IPO7: variants seen among roughly 807,000 people sequenced by gnomAD.
IPO7 encodes the protein importin 7.
Under a neutral mutation model 136.4 loss-of-function variants are expected in IPO7, and 13 were observed. The ratio of observed to expected loss-of-function variants is 0.10; its 90% CI spans 0.06 to 0.15. The LOEUF is 0.15. Ranked by LOEUF, IPO7 falls within the 10% of genes least tolerant of loss-of-function variation. The pLI is 1.00. For synonymous variants in IPO7, 403 were observed against 404.4 expected, an observed-to-expected ratio of 1.00 and a Z score of 0.04; for missense variants, 857 against 1,240.6, an observed-to-expected ratio of 0.69 and a Z score of 4.65.
chr11:9,428,997 G>A lies in IPO7; in HGVS notation c.1426-34G>A, dbSNP rs1411407950. 3.8e-6 allele frequency: 6 copies of A among 1,581,084 alleles called. No homozygotes were observed. In the Admixed American group the frequency reaches 1.0e-4, roughly 26 times the overall value. ...TTAGCTTGGGGGAATTTAAGGTAAG[G>A]TATCTACAGTAACTCACTGTGTTTT... is the stretch of plus-strand genomic sequence containing the variant. On this transcript the variant is annotated intron_variant, in intron 13 of 24. Transcript: ENST00000379719.
intron 6 of IPO7, among the ~76,000 whole-genome samples, chr11:9,417,359 T>TA (rs1022995657): frequency 6.6e-6 from 1 of 152,202 alleles, no homozygotes; most frequent in Non-Finnish European, 1.5e-5. Context: ...GGTGTTTTTT[T>TA]AAATATATTA....
chr11:9,410,242 A>G (rs762193723), intron 4 of IPO7, among the ~76,000 whole-genome samples, 156 bp downstream of exon 4: 10 of 152,186 alleles, frequency 6.6e-5, no homozygotes, highest in Non-Finnish European at 1.2e-4. Context: ...TTGACATAGC[A>G]TTCTAACTCC....
intron 5 of IPO7, among the ~76,000 whole-genome samples, chr11:9,415,634 C>T (rs1464315614): frequency 6.6e-6 from 1 of 151,922 alleles, no homozygotes; most frequent in African/African-American, 2.4e-5. Context: ...GTCAGGAGGT[C>T]GAGACCATCC....
In IPO7 at chr11:9,398,694, T is replaced by C. The variant is rs568899858; in HGVS notation, c.85-4596T>C. Among the ~76,000 whole-genome samples the C allele has an allele frequency of 2.6e-5, 4 of 152,346 alleles. No individual in the cohort carries two copies. The East Asian group carries it at 5.8e-4, about 22-fold the overall frequency. ...AACGTAATGATCAAATCAGGGTAAT[T>C]AGCATATTCATCTCAAATGTATATC... On this transcript the variant is annotated intron_variant, in intron 1 of 24. Transcript: ENST00000379719.
At chr11:9,386,366 A>G (rs1449334767) in intron 1 of IPO7, among the ~76,000 whole-genome samples, 2 of 152,152 alleles carry the variant, frequency 1.3e-5, no homozygotes, top group African/African-American at 4.8e-5. Flanking sequence ...ACCATTACCA[A>G]ACTATGGAAG....
intron 12 of IPO7, among the ~76,000 whole-genome samples, chr11:9,425,769 C>T (rs2133752658): frequency 6.6e-6 from 1 of 152,028 alleles, no homozygotes. Flanking sequence ...GTCCCAGCTA[C>T]TCAGGAGGCT....
At chr11:9,419,082 A>C (rs1461563204) in intron 6 of IPO7, among the ~76,000 whole-genome samples, 43 of 152,156 alleles carry the variant, frequency 2.8e-4, no homozygotes, top group Admixed American at 2.8e-3. Context: ...TTTTGTGGTC[A>C]CATGTTTTTC....
At chr11:9,435,099 CAT>C (rs1402157891) in intron 19 of IPO7, 68 bp downstream of exon 19, 19 of 895,916 alleles carry the variant, frequency 2.1e-5, no homozygotes, top group Middle Eastern at 4.3e-4. Context: ...TGTGAAAACT[CAT>C]GTGATACCAC....
At position 9,420,625 on chromosome 11, in the gene IPO7, C is replaced by A. The variant is rs1399354379; in HGVS notation, c.833C>A (p.Pro278His). 1.9e-6 allele frequency: 3 copies of A among 1,611,890 alleles called. No homozygotes were observed. Among genetic ancestry groups the A allele is most frequent in the Non-Finnish European group, 1.7e-6 (2 of 1,178,216 alleles). ...TGATGTTCTTTTAGATATGGAAGCC[C>A]TGGCAATGTTTCCAAGGAGTATAAT... ...LARLFERYGS[P>H]GNVSKEYNEF... The change falls in exon 8 of 25, where the codon CCT becomes CAT. Residue 278 changes from proline to histidine, a missense_variant. Pro to His is a moderately conservative substitution (Grantham distance 77). Coordinates refer to ENST00000379719, the MANE Select transcript of IPO7 (RefSeq NM_006391.3).
chr11:9,444,799 T>C (rs1855505756), intron 24 of IPO7, among the ~76,000 whole-genome samples: 1 of 144,318 alleles, frequency 6.9e-6, no homozygotes, highest in Admixed American at 7.2e-5. Context: ...ATCGTGCCGC[T>C]GCACTCCAGC....
At chr11:9,405,192 T>C (rs1854863635) in intron 2 of IPO7, among the ~76,000 whole-genome samples, 1 of 152,126 alleles carries the variant, frequency 6.6e-6, no homozygotes, top group Admixed American at 6.5e-5. Context: ...TTTGTTTTTT[T>C]GAGACGGAGT....
chr11:9,415,858 A>AAAAAAGAAAT (rs1855035708), intron 5 of IPO7, among the ~76,000 whole-genome samples: 1 of 152,162 alleles, frequency 6.6e-6, no homozygotes, highest in African/African-American at 2.4e-5. Flanking sequence ...AAAAAAAGAA[A>AAAAAAGAAAT]AAAAAGAAAT....
intron 23 of IPO7, 41 bp downstream of exon 23, chr11:9,440,702 A>G (rs1464204967): frequency 7.0e-7 from 1 of 1,419,052 alleles, no homozygotes. Flanking sequence ...TCATTGAACA[A>G]ATCTGTTGTA....
At chr11:9,425,875 T>C (rs1855198054) in intron 12 of IPO7, among the ~76,000 whole-genome samples, 1 of 141,444 alleles carries the variant, frequency 7.1e-6, no homozygotes, top group Non-Finnish European at 1.5e-5. Context: ...TGAGACTCTG[T>C]CTCCAAAAAA....
chr11:9,424,603 G>T (rs1855178269), intron 10 of IPO7, among the ~76,000 whole-genome samples: 1 of 152,070 alleles, frequency 6.6e-6, no homozygotes, highest in South Asian at 2.1e-4. Context: ...AATTAGCCGG[G>T]CGTGGTGGCA....
At chr11:9,397,345 T>TATATATATATATATATA (rs1564992017) in intron 1 of IPO7, among the ~76,000 whole-genome samples, 1 of 10,102 alleles carries the variant, frequency 9.9e-5, no homozygotes, top group African/African-American at 2.9e-4. Flanking sequence ...AAAAAAAATA[T>TATATATATATATATATA]ATATATATAT....
chr11:9,426,161 T>C (rs1489445302), intron 12 of IPO7, among the ~76,000 whole-genome samples: 1 of 152,242 alleles, frequency 6.6e-6, no homozygotes, highest in African/African-American at 2.4e-5. Context: ...CTGTATACAT[T>C]AGCAGTCACT....
rs1428416826 is a variant in IPO7, at chr11:9,447,200, G to A, written c.*2006G>A. ...TCATAATTCTAATTTTCACATTATT[G>A]TTAATGGAAAATCATATCTAATAAA... is the stretch of plus-strand genomic sequence containing the variant. On this transcript the variant is annotated 3_prime_UTR_variant, in exon 25 of 25. Transcript: ENST00000379719. 6.6e-6 allele frequency: 1 copy of A among 151,810 alleles called. No individual in the cohort carries two copies. Among genetic ancestry groups the A allele is most frequent in the East Asian group, 1.9e-4 (1 of 5,194 alleles). The allele number at this position is 151,810 out of a possible 1,614,324, so 9.4% of individuals were successfully genotyped here.
At chr11:9,395,277 C>G (rs760590278) in intron 1 of IPO7, among the ~76,000 whole-genome samples, 2 of 152,150 alleles carry the variant, frequency 1.3e-5, no homozygotes, top group South Asian at 2.1e-4. Flanking sequence ...GAGTTTCACT[C>G]TTTTCGCCCA....
Sources: allele counts gnomAD v4.1 joint callset (sites outside exome capture counted in the v4.1 genomes callset), GRCh38; gene constraint gnomAD v4.1.1; transcripts MANE v1.5; gene names NCBI Gene and HGNC (gene_info 2026-07-23, HGNC 2026-07-21).